TRPM1: variants seen among roughly 807,000 people sequenced by gnomAD.
TRPM1 encodes the protein TRPM1-203 APA Isoform, Intron 10.
Under a neutral mutation model 149.4 loss-of-function variants are expected in TRPM1, and 113 were observed. That is an observed-to-expected ratio of 0.76 (90% confidence interval 0.65 to 0.88). The LOEUF (loss-of-function observed/expected upper bound fraction) is 0.88, where lower values mean the gene tolerates loss of function less well. Among genes scored for constraint, TRPM1 ranks in the 40% least tolerant of loss-of-function variants. The pLI, the probability that TRPM1 is intolerant of heterozygous loss-of-function variation, is 0.00. For synonymous variants in TRPM1, 741 were observed against 759.5 expected (o/e 0.98, Z 0.40); for missense variants, 1,976 against 2,038.7 (o/e 0.97, Z 0.59).
At chr15:31,066,412 TAGAA>T (rs1214377793) in intron 6 of TRPM1, among the ~76,000 whole-genome samples, 165 bp from the exon 7 acceptor site, 2 of 152,248 alleles carry the variant, frequency 1.3e-5, no homozygotes, top group Non-Finnish European at 2.9e-5. Context: ...TACATTAAAA[TAGAA>T]AGAAAGTTAA....
At chr15:31,111,478 G>A (rs761117095) in intron 1 of TRPM1, among the ~76,000 whole-genome samples, 1 of 152,216 alleles carries the variant, frequency 6.6e-6, no homozygotes, top group Non-Finnish European at 1.5e-5. Flanking sequence ...CTTCCTTCAA[G>A]ATGTCTGTGT....
At chr15:31,004,833 G>T (rs2031927986) in intron 27 of TRPM1, among the ~76,000 whole-genome samples, 1 of 152,126 alleles carries the variant, frequency 6.6e-6, no homozygotes, top group African/African-American at 2.4e-5. Flanking sequence ...CGCACGCAGT[G>T]GCTCACACCT....
At chr15:31,086,238 C>A (rs999085957) in intron 1 of TRPM1, among the ~76,000 whole-genome samples, 3 of 152,074 alleles carry the variant, frequency 2.0e-5, no homozygotes, top group Admixed American at 1.3e-4. Flanking sequence ...GAGGAAGGGA[C>A]GGGAGGAGAG....
At chr15:31,066,927 T>C in intron 6 of TRPM1, 136 bp downstream of exon 6, 2 of 1,160,236 alleles carry the variant, frequency 1.7e-6, no homozygotes, top group Non-Finnish European at 2.5e-6. Context: ...TTTTGCAAGA[T>C]GTTACCATTG....
chr15:31,067,853 T>C (rs770410508), intron 5 of TRPM1, 26 bp downstream of exon 5: 2 of 1,610,062 alleles, frequency 1.2e-6, no homozygotes, highest in Non-Finnish European at 1.7e-6. Flanking sequence ...ACATTGATTA[T>C]CGGGAGGGAA....
Position 31,049,364 on chromosome 15 carries a change from A to G in TRPM1, c.1572+11T>C, listed in dbSNP as rs2033872929. ...GCCTCCCGCTTCCTTCCCTTTTTCT[A>G]GAGCACTCACTGTGTTATAAAGCTC... On this transcript the variant is annotated intron_variant, in intron 13 of 27. Coordinates refer to ENST00000256552, the MANE Select transcript of TRPM1 (RefSeq NM_001252024.2). 1 of 1,614,166 alleles carries G rather than the reference A, an allele frequency of 6.2e-7. No homozygotes were observed. Among genetic ancestry groups the G allele is most frequent in the Non-Finnish European group, 8.5e-7 (1 of 1,180,016 alleles).
chr15:31,144,392 G>T (rs1341608847), intron 1 of TRPM1, among the ~76,000 whole-genome samples: 2 of 152,158 alleles, frequency 1.3e-5, no homozygotes, highest in Non-Finnish European at 2.9e-5. Flanking sequence ...AGCCATGACC[G>T]CACCATTGTA....
intron 1 of TRPM1, among the ~76,000 whole-genome samples, chr15:31,127,967 C>T (rs182630959): frequency 1.3e-5 from 2 of 152,298 alleles, no homozygotes; most frequent in East Asian, 1.9e-4. Context: ...TTCTTTCCCT[C>T]GACTCAGAGA....
In TRPM1 at chr15:31,047,209, C is replaced by G. The variant is rs748043795; in HGVS notation, c.1666G>C (p.Gly556Arg). The G allele has an allele frequency of 7.4e-6, 12 of 1,614,134 alleles. No individual in the cohort carries two copies. Among genetic ancestry groups the G allele is most frequent in the Non-Finnish European group, 1.0e-5 (12 of 1,180,044 alleles). ...PDYHISLIDI[G>R]LVLEYLMGGA... ...CCCATGAGGTACTCCAGCACGAGCC[C>G]GATGTCTATGAGGCTGATGTGGTAA... Residue 556 changes from glycine to arginine, a missense_variant, in exon 15 of 28, where the codon GGG (glycine) becomes CGG (arginine). Coordinates refer to ENST00000256552, the MANE Select transcript of TRPM1 (RefSeq NM_001252024.2).
chr15:31,001,763 A>C lies in TRPM1; in HGVS notation c.*59T>G. 6.4e-7 allele frequency: 1 copy of C among 1,559,624 alleles called. No homozygotes were observed. Among genetic ancestry groups the C allele is most frequent in the South Asian group, 1.2e-5 (1 of 84,882 alleles). On this transcript the variant is annotated 3_prime_UTR_variant, in exon 28 of 28. Coordinates refer to ENST00000256552, the MANE Select transcript of TRPM1 (RefSeq NM_001252024.2). ...GAAATTGATGATGTTTAGATGGCCA[A>C]GATGACACCCATTAGTGGTTCTGAC... is the stretch of plus-strand genomic sequence containing the variant.
intron 16 of TRPM1, among the ~76,000 whole-genome samples, 162 bp downstream of exon 16, chr15:31,046,042 C>A (rs896067447): frequency 5.9e-5 from 9 of 151,940 alleles, no homozygotes; most frequent in African/African-American, 1.9e-4. Flanking sequence ...AGCTTTTATC[C>A]CCATTAAAGA....
intron 1 of TRPM1, among the ~76,000 whole-genome samples, chr15:31,100,067 CTTCT>C (rs1053225589): frequency 2.0e-5 from 3 of 151,260 alleles, no homozygotes; most frequent in Admixed American, 6.6e-5. Context: ...TTGTTTCTTT[CTTCT>C]TTCTTTCTTT....
chr15:31,032,757 T>C lies in TRPM1; in HGVS notation c.2884A>G (p.Ile962Val). The change falls in exon 22 of 28, where the codon ATC (isoleucine) becomes GTC (valine). Residue 962 changes from isoleucine to valine, a missense_variant. Coordinates refer to ENST00000256552, the MANE Select transcript of TRPM1 (RefSeq NM_001252024.2). ...IYCVDIIFWY[I>V]RVLDIFGVNK... ...ACACCAAAGATGTCCAGGACACGGA[T>C]GTACCAGAAGATGATATCCACACAG... 6.2e-7 allele frequency: 1 copy of C among 1,614,192 alleles called. No homozygotes were observed. Among genetic ancestry groups the C allele is most frequent in the South Asian group, 1.1e-5 (1 of 91,084 alleles).
At chr15:31,051,555 G>A (rs1280797613) in intron 11 of TRPM1, among the ~76,000 whole-genome samples, 1 of 152,112 alleles carries the variant, frequency 6.6e-6, no homozygotes, top group East Asian at 1.9e-4. Flanking sequence ...TTGGCTTCTT[G>A]GGCATCACAA....
intron 27 of TRPM1, among the ~76,000 whole-genome samples, chr15:31,007,648 C>CAACA (rs148559185): frequency 3.0e-3 from 251 of 84,192 alleles, no homozygotes; most frequent in Admixed American, 9.7e-3. Context: ...ACAACAGCAG[C>CAACA]GCAGCAACAA....
intron 1 of TRPM1, among the ~76,000 whole-genome samples, chr15:31,084,415 A>C (rs1039005753): frequency 6.6e-6 from 1 of 152,046 alleles, no homozygotes; most frequent in Non-Finnish European, 1.5e-5. Flanking sequence ...TTCTGTCTCT[A>C]TGGATTTGCC....
chr15:31,126,156 C>G (rs377088290), intron 1 of TRPM1, among the ~76,000 whole-genome samples: 6 of 151,902 alleles, frequency 3.9e-5, no homozygotes, highest in South Asian at 4.2e-4. Flanking sequence ...AAGAAAGAAA[C>G]AAACAAACAA....
intron 1 of TRPM1, among the ~76,000 whole-genome samples, chr15:31,130,235 A>G (rs1047614454): frequency 6.6e-5 from 10 of 152,206 alleles, no homozygotes; most frequent in African/African-American, 2.2e-4. Flanking sequence ...TGCTATTTAC[A>G]GGGTCAAAAT....
At chr15:31,062,831 T>C (rs890965779) in intron 8 of TRPM1, 129 bp from the exon 9 acceptor site, 22 of 1,144,360 alleles carry the variant, frequency 1.9e-5, no homozygotes, top group Non-Finnish European at 2.7e-5. Context: ...AGACAAAAAG[T>C]AACCATAGTC....
Sources: gnomAD v4.1 joint callset for allele counts (sites outside exome capture counted in the v4.1 genomes callset) on GRCh38, gnomAD v4.1.1 for gene constraint, MANE v1.5 for transcripts, NCBI Gene and HGNC (gene_info 2026-07-23, HGNC 2026-07-21) for gene names.